Variants in GRHL2 observed in about 807,000 individuals in gnomAD.
GRHL2 encodes grainyhead-like protein 2 homolog.
In GRHL2, 21 loss-of-function variants were observed where a neutral mutation model predicts 83.8. The observed-to-expected ratio is 0.25, with a 90% CI of 0.18 to 0.36. The LOEUF is 0.36. GRHL2 is among the 10% of genes least tolerant of loss of function. The pLI is 1.00. For missense variants in GRHL2, 623 were observed against 781.8 expected (o/e 0.80, Z 2.42); for synonymous variants, 280 against 278.9 (o/e 1.00, Z -0.04).
At chr8:101,553,296 T>A (rs527897455) in intron 3 of GRHL2, among the ~76,000 whole-genome samples, 1 of 152,326 alleles carries the variant, frequency 6.6e-6, no homozygotes, top group African/African-American at 2.4e-5. Flanking sequence ...ACCCCTTGTC[T>A]GCCCTCCTCA....
chr8:101,591,493 C>T (rs1812280366), intron 7 of GRHL2, among the ~76,000 whole-genome samples: 1 of 152,216 alleles, frequency 6.6e-6, no homozygotes, highest in Non-Finnish European at 1.5e-5. Context: ...CCTCATCAAG[C>T]TTACATTCCT....
intron 8 of GRHL2, among the ~76,000 whole-genome samples, chr8:101,601,519 A>G (rs4734544): frequency 6.6e-6 from 1 of 151,926 alleles, no homozygotes; most frequent in African/African-American, 2.4e-5. Context: ...CCTTGTCTAA[A>G]TGTGTGTGCC....
chr8:101,583,791 G>C (rs1449531276), intron 7 of GRHL2, among the ~76,000 whole-genome samples: 5 of 152,184 alleles, frequency 3.3e-5, no homozygotes, highest in African/African-American at 4.8e-5. Flanking sequence ...CTTTCAAACA[G>C]GGAAGGAAAA....
intron 1 of GRHL2, among the ~76,000 whole-genome samples, chr8:101,502,992 G>T (rs958023187): frequency 2.6e-5 from 4 of 152,124 alleles, no homozygotes; most frequent in African/African-American, 9.7e-5. Flanking sequence ...AATAGCAGCC[G>T]CAGTTTCACT....
At chr8:101,582,047 G>T (rs1812063711) in intron 7 of GRHL2, among the ~76,000 whole-genome samples, 1 of 152,158 alleles carries the variant, frequency 6.6e-6, no homozygotes, top group Non-Finnish European at 1.5e-5. Flanking sequence ...AGACCAGCCT[G>T]GCCAACATGG....
At chr8:101,503,301 C>A (rs1224485498) in intron 1 of GRHL2, among the ~76,000 whole-genome samples, 1 of 151,976 alleles carries the variant, frequency 6.6e-6, no homozygotes, top group African/African-American at 2.4e-5. Flanking sequence ...TTAAAAAGAA[C>A]AAATACCTCA....
chr8:101,560,702 A>G (rs964910643), intron 4 of GRHL2, among the ~76,000 whole-genome samples: 1 of 152,186 alleles, frequency 6.6e-6, no homozygotes, highest in Non-Finnish European at 1.5e-5. Flanking sequence ...TTTAGTGGAT[A>G]TGTGATGGTG....
intron 14 of GRHL2, among the ~76,000 whole-genome samples, chr8:101,652,388 T>TGTGTGTG (rs1338792171): frequency 1.5e-3 from 80 of 53,382 alleles, no homozygotes; most frequent in African/African-American, 3.6e-3. Context: ...GTGTGTGGTG[T>TGTGTGTG]GTGTGTGTGT....
At chr8:101,581,696 C>T (rs990785567) in intron 7 of GRHL2, among the ~76,000 whole-genome samples, 2 of 152,156 alleles carry the variant, frequency 1.3e-5, no homozygotes, top group Non-Finnish European at 2.9e-5. Context: ...GTGCCAGACC[C>T]TTTGTTAGGC....
intron 8 of GRHL2, among the ~76,000 whole-genome samples, chr8:101,613,269 G>A (rs529854282): frequency 3.3e-5 from 5 of 150,888 alleles, no homozygotes; most frequent in African/African-American, 9.9e-5. Flanking sequence ...ATACATAACC[G>A]CAGAATTGAG....
At chr8:101,502,992 G>A (rs958023187) in intron 1 of GRHL2, among the ~76,000 whole-genome samples, 4 of 152,124 alleles carry the variant, frequency 2.6e-5, no homozygotes, top group Admixed American at 2.6e-4. Context: ...AATAGCAGCC[G>A]CAGTTTCACT....
intron 14 of GRHL2, among the ~76,000 whole-genome samples, chr8:101,651,886 C>A (rs1813628293): frequency 6.6e-6 from 1 of 152,194 alleles, no homozygotes; most frequent in South Asian, 2.1e-4. Flanking sequence ...CAGGCTATCT[C>A]CTTGCTTCCT....
At chr8:101,674,642 G>A (rs1814266246), downstream of GRHL2, among the ~76,000 whole-genome samples, 1 of 152,106 alleles carries the variant, frequency 6.6e-6, no homozygotes, top group South Asian at 2.1e-4. Flanking sequence ...AGGAGGAGCT[G>A]GTACCATTTC....
At chr8:101,570,434 T>A in intron 5 of GRHL2, 40 bp downstream of exon 5, 1 of 1,476,064 alleles carries the variant, frequency 6.8e-7, no homozygotes, top group East Asian at 2.3e-5. Context: ...ACTGATTAAC[T>A]GATAAACCTT....
At chr8:101,636,615 C>T (rs1275888865) in intron 11 of GRHL2, among the ~76,000 whole-genome samples, 1 of 152,102 alleles carries the variant, frequency 6.6e-6, no homozygotes, top group Non-Finnish European at 1.5e-5. Context: ...TTAATCTAAT[C>T]AGACTGACTT....
At chr8:101,585,812 A>G (rs1053847432) in intron 7 of GRHL2, among the ~76,000 whole-genome samples, 62 of 152,224 alleles carry the variant, frequency 4.1e-4, no homozygotes, top group African/African-American at 1.4e-3. Context: ...ATAATTTTCA[A>G]TCATAATTGA....
intron 1 of GRHL2, among the ~76,000 whole-genome samples, chr8:101,498,270 T>C (rs59815833): frequency 0.17 from 26,060 of 151,948 alleles, 3,571 homozygotes; most frequent in African/African-American, 0.38. Flanking sequence ...AGGTGTGTGC[T>C]GCCACGCTCG....
At chr8:101,652,016 C>T (rs1190265839) in intron 14 of GRHL2, among the ~76,000 whole-genome samples, 3 of 152,088 alleles carry the variant, frequency 2.0e-5, no homozygotes, top group Non-Finnish European at 4.4e-5. Flanking sequence ...CAGCAGGCTC[C>T]GTGTAAGCAA....
chr8:101,619,832 A>T, intron 9 of GRHL2, 135 bp downstream of exon 9: 1 of 666,188 alleles, frequency 1.5e-6, no homozygotes, highest in Non-Finnish European at 2.6e-6. Context: ...TGGGAGTGGT[A>T]ATCTTCTATT....
Sources: allele counts gnomAD v4.1 joint callset (sites outside exome capture counted in the v4.1 genomes callset), GRCh38; gene constraint gnomAD v4.1.1; transcripts MANE v1.5; gene names NCBI Gene and HGNC (gene_info 2026-07-23, HGNC 2026-07-21).